KCTD2: variants seen among roughly 807,000 people sequenced by gnomAD.
KCTD2 encodes the protein potassium channel tetramerization domain containing 2.
KCTD2 carries 18 observed loss-of-function variants against 27.9 expected under a neutral mutation model. The observed-to-expected ratio is 0.64, with a 90% CI of 0.45 to 0.96. The LOEUF (loss-of-function observed/expected upper bound fraction) is 0.96, where lower values mean the gene tolerates loss of function less well. Ranked by LOEUF, KCTD2 falls within the 40% of genes least tolerant of loss-of-function variation. The pLI, the probability that KCTD2 is intolerant of heterozygous loss-of-function variation, is 0.00. For synonymous variants in KCTD2, 175 were observed against 148.4 expected, an observed-to-expected ratio of 1.18 and a Z score of -1.30; for missense variants, 280 against 348.0, an observed-to-expected ratio of 0.80 and a Z score of 1.56.
chr17:75,059,850 G>C (rs1280289282), intron 4 of KCTD2, among the ~76,000 whole-genome samples: 1 of 152,210 alleles, frequency 6.6e-6, no homozygotes, highest in Admixed American at 6.5e-5. Context: ...GGGAGCCAAC[G>C]AGCAGTTTAG....
At position 75,047,489 on chromosome 17, in the gene KCTD2, G is replaced by C; in HGVS notation, c.239G>C (p.Gly80Ala). ...AARWVRLNVG[G>A]TYFVTTRQTL... Reference sequence around the variant, plus strand: ...CGCTGGGTCAGGCTGAACGTGGGAGGCACCTACTTCGTGACCACCAGACAG... The same window carrying C: ...CGCTGGGTCAGGCTGAACGTGGGAGCCACCTACTTCGTGACCACCAGACAG... Residue 80 changes from glycine to alanine, a missense_variant, in exon 1 of 6, where the codon GGC becomes GCC. Transcript: ENST00000322444. 6.3e-7 allele frequency: 1 copy of C among 1,598,964 alleles called. No homozygotes were observed. The highest frequency in any genetic ancestry group is 8.5e-7 in the Non-Finnish European group (1 of 1,174,160).
chr17:75,046,601 G>C (rs978866337), upstream of KCTD2, among the ~76,000 whole-genome samples: 1 of 152,214 alleles, frequency 6.6e-6, no homozygotes, highest in Non-Finnish European at 1.5e-5. Context: ...AACACTGTCT[G>C]CGTAATGTTT....
intron 3 of KCTD2, among the ~76,000 whole-genome samples, chr17:75,055,361 T>C (rs546338070): frequency 1.2e-4 from 18 of 152,134 alleles, no homozygotes; most frequent in Admixed American, 6.5e-4. Context: ...GGCATAAGTT[T>C]ACTTTTAAAA....
At position 75,035,960 on chromosome 17, in the gene KCTD2, C is replaced by G. The variant is rs540455756; in HGVS notation, c.-259+603C>G. 1,759 of 423,470 alleles carry G rather than the reference C, an allele frequency of 4.2e-3. 15 individuals carry two copies. Among genetic ancestry groups the G allele is most frequent in the Non-Finnish European group, 6.5e-3 (1,363 of 209,038 alleles). The allele number at this position is 423,470 out of a possible 1,614,324, so 26.2% of individuals were successfully genotyped here. A position where few individuals can be genotyped will look rare whatever the true frequency, so the allele number is the denominator to read the frequency against. On this transcript the variant is annotated intron_variant, in intron 3 of 7. Transcript: ENST00000581589. ...GTCCACACTCACACGGCACCCACCA[C>G]CCCACTACTCTGTGCTTGGAGGAAG...
chr17:75,034,830 G>A (rs1435290991), intron 2 of KCTD2, among the ~76,000 whole-genome samples: 1 of 152,152 alleles, frequency 6.6e-6, no homozygotes, highest in Non-Finnish European at 1.5e-5. Context: ...ATTCGGGCAA[G>A]GGCTGCTCGC....
upstream of KCTD2, among the ~76,000 whole-genome samples, chr17:75,044,686 T>C (rs1462653677): frequency 6.6e-6 from 1 of 151,764 alleles, no homozygotes; most frequent in Non-Finnish European, 1.5e-5. Flanking sequence ...GTGAGAAAAA[T>C]ACAGAAAACG....
intron 1 of KCTD2, among the ~76,000 whole-genome samples, chr17:75,047,959 G>A (rs1302922291): frequency 1.3e-5 from 2 of 152,120 alleles, no homozygotes; most frequent in East Asian, 3.9e-4. Context: ...CACTGCCGGT[G>A]CCAGATGCAT....
In KCTD2 at chr17:75,063,855, TC is replaced by T; in HGVS notation, c.*812del. The T allele has an allele frequency of 6.5e-6, 1 of 152,846 alleles. No individual in the cohort carries two copies. Among genetic ancestry groups the T allele is most frequent in the Non-Finnish European group, 1.5e-5 (1 of 68,098 alleles). 9.5% of individuals were successfully genotyped at this position (152,846 alleles called of 1,614,324 possible). A position where few individuals can be genotyped will look rare whatever the true frequency, so the allele number is the denominator to read the frequency against. ...AACTGCACCTGCAGCCTCTTCTTAC[TC>T]CCCATTGACCCTGTCTTCCTTCCCT... On this transcript the variant is annotated 3_prime_UTR_variant, in exon 6 of 6. Coordinates refer to ENST00000322444, the MANE Select transcript of KCTD2 (RefSeq NM_015353.3).
chr17:75,034,289 G>T (rs957220032), intron 2 of KCTD2, among the ~76,000 whole-genome samples: 3 of 152,176 alleles, frequency 2.0e-5, no homozygotes, highest in Non-Finnish European at 4.4e-5. Flanking sequence ...TGACCACCGC[G>T]ACTGCAAACA....
At chr17:75,034,507 G>T (rs942968429) in intron 2 of KCTD2, among the ~76,000 whole-genome samples, 1 of 152,202 alleles carries the variant, frequency 6.6e-6, no homozygotes, top group Non-Finnish European at 1.5e-5. Flanking sequence ...CTGGGGCGCG[G>T]TAAGACGCTA....
At chr17:75,054,049 C>T (rs1023718920) in intron 3 of KCTD2, among the ~76,000 whole-genome samples, 1 of 151,602 alleles carries the variant, frequency 6.6e-6, no homozygotes, top group Non-Finnish European at 1.5e-5. Flanking sequence ...CAAGGTCTCA[C>T]TCCCGTTGCC....
In KCTD2 at chr17:75,065,269, C is replaced by G. The variant is rs935803511; in HGVS notation, c.*2222C>G. ...GCAACCCAATGACACCTGTATTGTT[C>G]CAGCGCTCCAGGACTCTGGGTTCTT... is the stretch of plus-strand genomic sequence containing the variant. On this transcript the variant is annotated 3_prime_UTR_variant, in exon 6 of 6. Coordinates refer to ENST00000322444, the MANE Select transcript of KCTD2 (RefSeq NM_015353.3). 3.9e-5 allele frequency: 6 copies of G among 152,188 alleles called. No individual in the cohort carries two copies. The highest frequency in any genetic ancestry group is 5.9e-5 in the Non-Finnish European group (4 of 68,046). 9.4% of individuals were successfully genotyped at this position (152,188 alleles called of 1,614,324 possible).
chr17:75,054,506 C>T (rs1358949124), intron 3 of KCTD2, among the ~76,000 whole-genome samples: 2 of 152,104 alleles, frequency 1.3e-5, no homozygotes, highest in Non-Finnish European at 1.5e-5. Flanking sequence ...AGTCCTTGCC[C>T]TCAAGAAGCT....
At chr17:75,037,832 A>G (rs9900856) in intron 3 of KCTD2, among the ~76,000 whole-genome samples, 41,080 of 151,824 alleles carry the variant, frequency 0.27, 8,457 homozygotes, top group East Asian at 0.57. Flanking sequence ...GGCGGATCAC[A>G]AGGTCAGGAG....
At chr17:75,035,856 C>CA (rs1317494643) in intron 3 of KCTD2, among the ~76,000 whole-genome samples, 9 of 151,766 alleles carry the variant, frequency 5.9e-5, no homozygotes, top group Non-Finnish European at 1.2e-4. Flanking sequence ...AACAAACAAA[C>CA]AAAAAACTCC....
chr17:75,049,475 T>C (rs1167105368), intron 2 of KCTD2, 147 bp downstream of exon 2: 4 of 565,242 alleles, frequency 7.1e-6, no homozygotes, highest in African/African-American at 1.9e-5. Context: ...AAACTACCAG[T>C]CTTGTCTGAG....
intron 3 of KCTD2, among the ~76,000 whole-genome samples, chr17:75,054,285 T>C (rs1159124813): frequency 6.6e-6 from 1 of 152,110 alleles, no homozygotes; most frequent in African/African-American, 2.4e-5. Context: ...AGTTCTGGAA[T>C]TACAGGTGTG....
At chr17:75,042,154 C>T in intron 3 of KCTD2, 2 of 1,592,052 alleles carry the variant, frequency 1.3e-6, no homozygotes, top group Non-Finnish European at 1.7e-6. Context: ...GTTACAAGCT[C>T]AGTGCTTTAG....
intron 4 of KCTD2, 46 bp from the exon 5 acceptor site, chr17:75,062,074 T>C (rs761984402): frequency 2.3e-5 from 37 of 1,610,842 alleles, no homozygotes; most frequent in African/African-American, 9.4e-5. Flanking sequence ...TTCGAAAGTA[T>C]GTTAAGATTG....
Sources: allele counts gnomAD v4.1 joint callset (sites outside exome capture counted in the v4.1 genomes callset), GRCh38; gene constraint gnomAD v4.1.1; transcripts MANE v1.5; gene names NCBI Gene and HGNC (gene_info 2026-07-23, HGNC 2026-07-21).